Variants in CLCN7 observed in about 807,000 individuals in gnomAD.
CLCN7 encodes the protein Cl-/H+ antiporter 7, also known as H(+)/Cl(-) exchange transporter 7.
Under a neutral mutation model 102.1 loss-of-function variants are expected in CLCN7, and 60 were observed. The observed-to-expected ratio is 0.59, with a 90% CI of 0.48 to 0.73. The LOEUF (loss-of-function observed/expected upper bound fraction) is 0.73, where lower values mean the gene tolerates loss of function less well. Among genes scored for constraint, CLCN7 ranks in the 30% least tolerant of loss-of-function variants. CLCN7 has a pLI of 0.00. For missense variants in CLCN7, 962 were observed against 1,125.7 expected (o/e 0.85, Z 2.08); for synonymous variants, 560 against 490.5 (o/e 1.14, Z -1.87).
intron 2 of CLCN7, among the ~76,000 whole-genome samples, chr16:1,464,524 G>T (rs773284120): frequency 2.0e-5 from 3 of 152,256 alleles, no homozygotes; most frequent in Non-Finnish European, 4.4e-5. Flanking sequence ...TGTACAGGAC[G>T]GCATCTGAGC....
In CLCN7 at chr16:1,446,994, G is replaced by GC; in HGVS notation, c.2331+11dup. On this transcript the variant is annotated intron_variant, in intron 24 of 24. Transcript: ENST00000382745. ...TGCACGGCATGCCTGCACCCCCACC[G>GC]CCCCCGCTCACCTGATTGCGGTTGT... is the stretch of plus-strand genomic sequence containing the variant. 4 of 1,571,430 alleles carry GC rather than the reference G, an allele frequency of 2.5e-6. No homozygotes were observed. The highest frequency in any genetic ancestry group is 2.6e-6 in the Non-Finnish European group (3 of 1,162,678).
rs1035657965 is a variant in CLCN7 at position 1,446,084 on chromosome 16, G to A, written c.*547C>T. 20 of 589,878 alleles carry A rather than the reference G, an allele frequency of 3.4e-5. No individual in the cohort carries two copies. The highest frequency in any genetic ancestry group is 5.6e-5 in the African/African-American group (3 of 53,594). 36.5% of individuals were successfully genotyped at this position (589,878 alleles called of 1,614,324 possible). ...CCAGTGTGAAGCTGCTCTCCGGGGC[G>A]GTCGCAGCCTCCAAACCCTGGTGCT... On this transcript the variant is annotated 3_prime_UTR_variant, in exon 25 of 25. Coordinates refer to ENST00000382745, the MANE Select transcript of CLCN7 (RefSeq NM_001287.6).
In CLCN7 at chr16:1,447,036, C is replaced by T; in HGVS notation, c.2301G>A (p.Arg767=). The part of the protein sequence containing the change: ...VFKLFRALGL[R]HLVVVDNRNQ... ...TGCGGTTGTCCACCACCACCAGGTG[C>T]CGCAGGCCCAGGGCCCGGAACAGCT... The change falls in exon 24 of 25, where the codon CGG becomes CGA. Residue 767 remains arginine (R), a synonymous_variant. Transcript: ENST00000382745. 6.2e-7 allele frequency: 1 copy of T among 1,602,050 alleles called. No individual in the cohort carries two copies. The highest frequency in any genetic ancestry group is 8.5e-7 in the Non-Finnish European group (1 of 1,177,782).
chr16:1,457,205 G>GCC lies in CLCN7; in HGVS notation c.822+47_822+48dup. ...GCCCATCTCCCTGAGTGGTGCCCGT[G>GCC]CCCGTGCCCATGGCATCTGGAGCCC... On this transcript the variant is annotated intron_variant, in intron 9 of 24. Coordinates refer to ENST00000382745, the MANE Select transcript of CLCN7 (RefSeq NM_001287.6). This position sits in a 1 kb window ranked among gnomAD's most constrained non-coding sequence, Gnocchi z 5.4. 2 of 1,521,230 alleles carry GCC rather than the reference G, an allele frequency of 1.3e-6. No homozygotes were observed. Among genetic ancestry groups the GCC allele is most frequent in the Non-Finnish European group, 1.8e-6 (2 of 1,095,614 alleles). 94.2% of individuals were successfully genotyped at this position (1,521,230 alleles called of 1,614,324 possible).
Position 1,457,134 on chromosome 16 carries a change from G to A in CLCN7, c.822+120C>T. On this transcript the variant is annotated intron_variant, in intron 9 of 24. Transcript: ENST00000382745. This position sits in a 1 kb window ranked among gnomAD's most constrained non-coding sequence, Gnocchi z 5.4. ...GGCTCTGGGAGCCACCCGCCAGGCT[G>A]TCCTCAGATGGGGCTGGGGCTCTCG... 1 of 963,914 alleles carries A rather than the reference G, an allele frequency of 1.0e-6. No individual in the cohort carries two copies. Among genetic ancestry groups the A allele is most frequent in the African/African-American group, 1.6e-5 (1 of 62,226 alleles). The allele number at this position is 963,914 out of a possible 1,614,324, so 59.7% of individuals were successfully genotyped here.
intron 10 of CLCN7, 93 bp from the exon 11 acceptor site, chr16:1,455,888 C>A: frequency 7.0e-7 from 1 of 1,424,078 alleles, no homozygotes; most frequent in Non-Finnish European, 9.8e-7. Context: ...GAACCCAGAC[C>A]ACGTCAGAAA....
At chr16:1,462,399 T>C (rs542058658) in intron 2 of CLCN7, among the ~76,000 whole-genome samples, 1 of 106,172 alleles carries the variant, frequency 9.4e-6, no homozygotes, top group South Asian at 3.2e-4. Flanking sequence ...TTTTTTGAGA[T>C]ACAGTCACTC....
chr16:1,457,865 CG>C lies in CLCN7; in HGVS notation c.676-110del. 9.2e-7 allele frequency: 1 copy of C among 1,091,510 alleles called. No individual in the cohort carries two copies. The highest frequency in any genetic ancestry group is 1.4e-6 in the Non-Finnish European group (1 of 726,220). 67.6% of individuals were successfully genotyped at this position (1,091,510 alleles called of 1,614,324 possible). ...CCGATCAGGCAGAGTGGCTGGGACA[CG>C]GGGCCTCCGGGAGGGGGCCAGCACC... is the stretch of plus-strand genomic sequence containing the variant. On this transcript the variant is annotated intron_variant, in intron 7 of 24. Coordinates refer to ENST00000382745, the MANE Select transcript of CLCN7 (RefSeq NM_001287.6). This position sits in a 1 kb window ranked among gnomAD's most constrained non-coding sequence, Gnocchi z 5.4.
At position 1,464,136 on chromosome 16, in the gene CLCN7, C is replaced by G. The variant is rs1417350917; in HGVS notation, c.213+1131G>C. On this transcript the variant is annotated intron_variant, in intron 2 of 24. Transcript: ENST00000382745. Reference sequence around the variant, plus strand: ...ACTGAGAAAGTGAACAGAAAACCCACTGAACGGGAGAAAACTTCTATAAAT... The same window carrying G: ...ACTGAGAAAGTGAACAGAAAACCCAGTGAACGGGAGAAAACTTCTATAAAT... Among the ~76,000 whole-genome samples, 3 of 152,284 alleles carry G rather than the reference C, an allele frequency of 2.0e-5. No homozygotes were observed. The South Asian group carries it at 6.2e-4, about 32-fold the overall frequency.
chr16:1,454,194 T>C (rs1382761305), intron 13 of CLCN7, among the ~76,000 whole-genome samples: 2 of 152,256 alleles, frequency 1.3e-5, no homozygotes, highest in African/African-American at 2.4e-5. Flanking sequence ...CTGTGGTTTT[T>C]GCCAACAGAG....
At chr16:1,459,002 G>A in intron 7 of CLCN7, 105 bp downstream of exon 7, 4 of 915,568 alleles carry the variant, frequency 4.4e-6, no homozygotes, top group East Asian at 5.3e-5. Context: ...CCAGTACACA[G>A]GGTGGCTGAG....
chr16:1,450,655 G>T lies in CLCN7; in HGVS notation c.1459C>A (p.Pro487Thr). ...LFHDPPGSYN[P>T]LTLGLFTLVY... ...AGCGTGAACAGGCCGAGGGTCAGGG[G>T]GTTGTAGGAGCCTAGGAGAGAAGAG... The change falls in exon 17 of 25, where the codon CCC becomes ACC. Residue 487 changes from proline to threonine, a missense_variant. Pro to Thr is a conservative substitution (Grantham distance 38). Transcript: ENST00000382745. The T allele has an allele frequency of 6.2e-7, 1 of 1,610,690 alleles. No homozygotes were observed. Among genetic ancestry groups the T allele is most frequent in the Non-Finnish European group, 8.5e-7 (1 of 1,178,604 alleles).
rs772144085 is a variant in CLCN7, at chr16:1,460,535, T to C, written c.485-8A>G. The stretch of plus-strand genomic sequence containing the variant: ...CTGTGAACTTGTCGATATCTGGGGC[T>C]CATCAAGGAGGGCTGGCTGCTTCCC... On this transcript the variant is annotated splice_region_variant and splice_polypyrimidine_tract_variant and intron_variant, in intron 5 of 24. Transcript: ENST00000382745. The C allele has an allele frequency of 4.4e-6, 7 of 1,605,530 alleles. No homozygotes were observed. The highest frequency in any genetic ancestry group is 4.3e-6 in the Non-Finnish European group (5 of 1,173,004).
intron 17 of CLCN7, 166 bp from the exon 18 acceptor site, chr16:1,449,493 G>A: frequency 1.5e-6 from 1 of 654,850 alleles, no homozygotes. Context: ...ACACCCTGCT[G>A]CGGAGGCTGC....
At chr16:1,448,598 G>A (rs1462885687) in intron 20 of CLCN7, 83 bp downstream of exon 20, 1 of 1,600,794 alleles carries the variant, frequency 6.2e-7, no homozygotes, top group African/African-American at 1.3e-5. Flanking sequence ...GCTGCCTGGA[G>A]CCCGCAAGCC....
chr16:1,451,762 G>A (rs1444266454), intron 15 of CLCN7, 46 bp from the exon 16 acceptor site: 2 of 1,517,880 alleles, frequency 1.3e-6, no homozygotes, highest in Non-Finnish European at 9.1e-7. Context: ...AGATGAGCTG[G>A]TGGGCTGCAG....
chr16:1,452,608 G>T, intron 15 of CLCN7, 147 bp downstream of exon 15: 1 of 835,584 alleles, frequency 1.2e-6, no homozygotes, highest in South Asian at 1.7e-5. Flanking sequence ...GGGTGGACAG[G>T]ACTAACCCTC....
chr16:1,464,326 T>G (rs2038975911), intron 2 of CLCN7, among the ~76,000 whole-genome samples: 1 of 152,214 alleles, frequency 6.6e-6, no homozygotes, highest in South Asian at 2.1e-4. Flanking sequence ...GAATCTCACG[T>G]GCTGGCTTTT....
chr16:1,449,207 C>A (rs2038703506), intron 18 of CLCN7, 69 bp downstream of exon 18: 2 of 1,571,142 alleles, frequency 1.3e-6, no homozygotes, highest in Admixed American at 1.9e-5. Flanking sequence ...CCTAGCCCCG[C>A]AAGGACAGCC....
Sources: allele counts gnomAD v4.1 joint callset (sites outside exome capture counted in the v4.1 genomes callset), GRCh38; gene constraint gnomAD v4.1.1; non-coding constraint Gnocchi (gnomAD v3.1); transcripts MANE v1.5; gene names NCBI Gene and HGNC (gene_info 2026-07-23, HGNC 2026-07-21).